Variants in HPSE2 observed in about 807,000 individuals in gnomAD.
HPSE2 encodes the protein inactive heparanase-2.
Under a neutral mutation model 60.5 loss-of-function variants are expected in HPSE2, and 38 were observed. The observed-to-expected ratio is 0.63, with a 90% CI of 0.48 to 0.82. HPSE2 has a LOEUF of 0.82. Among genes scored for constraint, HPSE2 ranks in the 40% least tolerant of loss-of-function variants. The probability of loss-of-function intolerance (pLI) is 0.00; values close to 1 mark genes in which losing one functional copy is unlikely to be tolerated. For synonymous variants in HPSE2, 295 were observed against 293.2 expected, an observed-to-expected ratio of 1.01 and a Z score of -0.06; for missense variants, 713 against 740.4, an observed-to-expected ratio of 0.96 and a Z score of 0.43.
At chr10:98,800,168 G>C (rs887962775) in intron 3 of HPSE2, among the ~76,000 whole-genome samples, 12 of 151,860 alleles carry the variant, frequency 7.9e-5, no homozygotes, top group African/African-American at 2.9e-4. Flanking sequence ...AGGAGTTCAA[G>C]ACCAGCCTGG....
chr10:98,575,458 G>A (rs997319875), intron 9 of HPSE2, among the ~76,000 whole-genome samples: 2 of 152,200 alleles, frequency 1.3e-5, no homozygotes, highest in Non-Finnish European at 2.9e-5. Flanking sequence ...CTTGCCTGAA[G>A]TCAAACGGTG....
At chr10:98,662,356 T>G (rs1947247828) in intron 6 of HPSE2, among the ~76,000 whole-genome samples, 1 of 152,156 alleles carries the variant, frequency 6.6e-6, no homozygotes, top group Admixed American at 6.5e-5. Context: ...ACAAATATAT[T>G]TAATAATACT....
At chr10:98,487,964 T>A (rs564931586) in intron 10 of HPSE2, among the ~76,000 whole-genome samples, 2 of 152,366 alleles carry the variant, frequency 1.3e-5, no homozygotes, top group East Asian at 3.9e-4. Flanking sequence ...GTTTTCTTTA[T>A]GAATCTAATA....
At chr10:99,069,264 AC>A (rs755899459) in intron 3 of HPSE2, among the ~76,000 whole-genome samples, 42 of 152,282 alleles carry the variant, frequency 2.8e-4, no homozygotes, top group Non-Finnish European at 4.6e-4. Context: ...AAGCTCTAGA[AC>A]CAACCTGAAT....
intron 5 of HPSE2, among the ~76,000 whole-genome samples, chr10:98,713,147 A>G (rs933331737): frequency 7.2e-5 from 11 of 151,998 alleles, no homozygotes; most frequent in Non-Finnish European, 1.6e-4. Context: ...ATGAGGACTG[A>G]GTGAGGTAAG....
chr10:98,839,141 C>T (rs189069554), intron 3 of HPSE2, among the ~76,000 whole-genome samples: 26 of 152,208 alleles, frequency 1.7e-4, no homozygotes, highest in Admixed American at 1.2e-3. Flanking sequence ...AATTAAAATA[C>T]GGAAACTTTA....
chr10:98,551,444 T>G (rs1334765434), intron 9 of HPSE2, among the ~76,000 whole-genome samples: 1 of 152,220 alleles, frequency 6.6e-6, no homozygotes, highest in Non-Finnish European at 1.5e-5. Flanking sequence ...AAAAAGTATC[T>G]ATTCCCCACT....
intron 2 of HPSE2, among the ~76,000 whole-genome samples, chr10:99,220,807 C>CAA (rs113095503): frequency 7.1e-5 from 4 of 56,466 alleles, no homozygotes; most frequent in Non-Finnish European, 1.1e-4. Context: ...GACTCCGTCT[C>CAA]AAAAAAAAAA....
intron 2 of HPSE2, among the ~76,000 whole-genome samples, chr10:99,184,817 TATAGAGAGAGAG>T (rs1336457570): frequency 2.4e-3 from 42 of 17,194 alleles, no homozygotes; most frequent in African/African-American, 3.3e-3. Context: ...TATATATATA[TATAGAGAGAGAG>T]AGAGAGAGAG....
chr10:98,542,199 C>A (rs560367838), intron 9 of HPSE2, among the ~76,000 whole-genome samples: 3 of 152,198 alleles, frequency 2.0e-5, no homozygotes, highest in Non-Finnish European at 4.4e-5. Flanking sequence ...GCCACCTCTG[C>A]TGATACCCGG....
At chr10:98,768,820 G>T (rs531891138) in intron 3 of HPSE2, among the ~76,000 whole-genome samples, 52 of 152,236 alleles carry the variant, frequency 3.4e-4, no homozygotes, top group African/African-American at 1.2e-3. Flanking sequence ...GGGATGTTGA[G>T]GCAGGTGGAT....
In HPSE2 at chr10:98,960,715, T is replaced by G. The variant is rs12263205; in HGVS notation, c.610+183523A>C. On this transcript the variant is annotated intron_variant, in intron 3 of 11. Coordinates refer to ENST00000370552, the MANE Select transcript of HPSE2 (RefSeq NM_021828.5). ...TATGTACATTTCTTTTTTTTTTTTT[T>G]TTTTTGTTTTATTTTTTTTATTTTA... Among the ~76,000 whole-genome samples the G allele has an allele frequency of 5.9e-5, 3 of 50,912 alleles. No individual in the cohort carries two copies. In the South Asian group the frequency reaches 2.1e-3, roughly 35 times the overall value. 33.4% of individuals were successfully genotyped at this position (50,912 alleles called of 152,430 possible).
chr10:99,135,296 C>A (rs1042692021), intron 3 of HPSE2, among the ~76,000 whole-genome samples: 3 of 152,226 alleles, frequency 2.0e-5, no homozygotes, highest in Admixed American at 2.0e-4. Flanking sequence ...TTAGACAGAT[C>A]AATGAGACAG....
At chr10:99,163,043 A>G (rs1451780712) in intron 2 of HPSE2, among the ~76,000 whole-genome samples, 1 of 152,080 alleles carries the variant, frequency 6.6e-6, no homozygotes, top group Non-Finnish European at 1.5e-5. Context: ...CTCTGTCTCT[A>G]CTAAAATTAC....
intron 4 of HPSE2, among the ~76,000 whole-genome samples, chr10:98,729,167 A>G (rs1949165989): frequency 6.6e-6 from 1 of 152,220 alleles, no homozygotes; most frequent in Non-Finnish European, 1.5e-5. Flanking sequence ...AAAGTCAATT[A>G]TATCAACAAT....
At chr10:98,749,947 T>TATATATATATATATATATATATACAC in intron 3 of HPSE2, among the ~76,000 whole-genome samples, 2,857 of 98,100 alleles carry the variant, frequency 0.029, 108 homozygotes, top group Non-Finnish European at 0.046. Flanking sequence ...TATATATATA[T>TATATATATATATATATATATATACAC]ACACACACAC....
At chr10:99,282,488 T>G in the HPSE2 span, among the ~76,000 whole-genome samples, 3 of 152,064 alleles carry the variant, frequency 2.0e-5, no homozygotes, top group East Asian at 5.8e-4. Flanking sequence ...ACCGAGGACA[T>G]AGAGGACTTC....
chr10:98,864,357 T>C (rs1403605216), intron 3 of HPSE2, among the ~76,000 whole-genome samples: 3 of 152,154 alleles, frequency 2.0e-5, no homozygotes, highest in Non-Finnish European at 2.9e-5. Context: ...GTTCATACTG[T>C]GACCTTTGGA....
chr10:99,170,876 G>C (rs1196566203), intron 2 of HPSE2, among the ~76,000 whole-genome samples: 3 of 152,110 alleles, frequency 2.0e-5, no homozygotes, highest in Non-Finnish European at 4.4e-5. Flanking sequence ...TGTCTATACA[G>C]GTACAGACTT....
Sources: allele counts gnomAD v4.1 joint callset (sites outside exome capture counted in the v4.1 genomes callset), GRCh38; gene constraint gnomAD v4.1.1; transcripts MANE v1.5; gene names NCBI Gene and HGNC (gene_info 2026-07-23, HGNC 2026-07-21).